GULP1: variants seen among roughly 807,000 people sequenced by gnomAD.
GULP1 encodes the protein PTB domain-containing engulfment adapter protein 1.
A neutral mutation model predicts 40.9 loss-of-function variants in GULP1; 19 were observed. The ratio of observed to expected loss-of-function variants is 0.46; its 90% CI spans 0.32 to 0.68. The LOEUF (loss-of-function observed/expected upper bound fraction) is 0.68, where lower values mean the gene tolerates loss of function less well. GULP1 is among the 30% of genes least tolerant of loss of function. GULP1 has a pLI of 0.03. For missense variants in GULP1, 312 were observed against 362.2 expected (o/e 0.86, Z 1.12); for synonymous variants, 119 against 117.6 (o/e 1.01, Z -0.08).
intron 7 of GULP1, among the ~76,000 whole-genome samples, chr2:188,561,786 C>T (rs1370824741): frequency 1.3e-5 from 2 of 152,122 alleles, no homozygotes; most frequent in Non-Finnish European, 1.5e-5. Flanking sequence ...GGGGAATGCA[C>T]ATCATTCTCA....
chr2:188,577,228 A>C (rs1700336843), intron 9 of GULP1, among the ~76,000 whole-genome samples: 1 of 152,134 alleles, frequency 6.6e-6, no homozygotes. Context: ...ATTTCTTTAC[A>C]TAATCAACTG....
chr2:188,488,992 C>T (rs1353592431), intron 4 of GULP1, among the ~76,000 whole-genome samples: 3 of 151,440 alleles, frequency 2.0e-5, no homozygotes, highest in Non-Finnish European at 2.9e-5. Flanking sequence ...ATAGTAAAGA[C>T]GGGTCTTAAT....
intron 7 of GULP1, among the ~76,000 whole-genome samples, chr2:188,548,513 A>G (rs1022637897): frequency 1.3e-5 from 2 of 152,110 alleles, no homozygotes; most frequent in African/African-American, 2.4e-5. Context: ...TGATGTATAG[A>G]TTTAACACAA....
chr2:188,592,778 G>C (rs1305282388), intron 11 of GULP1: 1 of 152,026 alleles, frequency 6.6e-6, no homozygotes, highest in East Asian at 1.9e-4. Context: ...CTAAATAAAA[G>C]TAATTTGGAG....
chr2:188,364,400 C>T (rs555414465), intron 1 of GULP1, among the ~76,000 whole-genome samples: 2 of 152,238 alleles, frequency 1.3e-5, no homozygotes, highest in Admixed American at 1.3e-4. Flanking sequence ...CTACCACGCT[C>T]ATGGTAGTAG....
intron 4 of GULP1, among the ~76,000 whole-genome samples, chr2:188,485,925 A>C (rs2153073349): frequency 6.6e-6 from 1 of 152,138 alleles, no homozygotes; most frequent in South Asian, 2.1e-4. Flanking sequence ...CTTTACATAA[A>C]GTGAACTGAT....
chr2:188,319,662 C>A (rs2039671585), intron 1 of GULP1, among the ~76,000 whole-genome samples: 2 of 152,150 alleles, frequency 1.3e-5, no homozygotes, highest in African/African-American at 2.4e-5. Flanking sequence ...AATAGCAACC[C>A]TTTTTCTTTT....
chr2:188,428,029 C>T (rs1260652486), intron 2 of GULP1, among the ~76,000 whole-genome samples: 2 of 152,180 alleles, frequency 1.3e-5, no homozygotes, highest in Non-Finnish European at 2.9e-5. Context: ...CATCAGTATG[C>T]CCTAGATGTG....
chr2:188,387,125 A>G (rs1412499528), intron 2 of GULP1, among the ~76,000 whole-genome samples: 2 of 152,078 alleles, frequency 1.3e-5, no homozygotes, highest in Non-Finnish European at 2.9e-5. Context: ...AATCCCAGTT[A>G]CTTGAGAGGC....
intron 4 of GULP1, among the ~76,000 whole-genome samples, chr2:188,515,780 G>T (rs903643824): frequency 6.6e-6 from 1 of 151,710 alleles, no homozygotes; most frequent in Non-Finnish European, 1.5e-5. Context: ...TTACCTGATC[G>T]CTACCCAGCA....
At chr2:188,317,684 G>A (rs976716851) in intron 1 of GULP1, among the ~76,000 whole-genome samples, 1 of 151,994 alleles carries the variant, frequency 6.6e-6, no homozygotes, top group Non-Finnish European at 1.5e-5. Context: ...TGGAAAGTTG[G>A]GGAGGACATA....
At chr2:188,320,740 T>C (rs886878141) in intron 1 of GULP1, among the ~76,000 whole-genome samples, 1 of 152,136 alleles carries the variant, frequency 6.6e-6, no homozygotes, top group Non-Finnish European at 1.5e-5. Flanking sequence ...TATGTGAATA[T>C]GGGCAATCTT....
At chr2:188,409,073 T>A (rs2053527166) in intron 2 of GULP1, among the ~76,000 whole-genome samples, 1 of 151,894 alleles carries the variant, frequency 6.6e-6, no homozygotes. Context: ...TACACCTTGA[T>A]GACTTAGTAA....
At chr2:188,503,700 C>G (rs1222904227) in intron 4 of GULP1, among the ~76,000 whole-genome samples, 1 of 151,878 alleles carries the variant, frequency 6.6e-6, no homozygotes, top group Non-Finnish European at 1.5e-5. Flanking sequence ...ATAGCAGTCT[C>G]CTTTTCTTGT....
intron 1 of GULP1, among the ~76,000 whole-genome samples, chr2:188,297,821 C>CA (rs969674585): frequency 1.3e-5 from 2 of 150,732 alleles, no homozygotes; most frequent in Admixed American, 6.6e-5. Flanking sequence ...TAATTTTAGC[C>CA]AAAAAAAATC....
At chr2:188,542,656 A>G (rs995400187) in intron 7 of GULP1, among the ~76,000 whole-genome samples, 2 of 152,120 alleles carry the variant, frequency 1.3e-5, no homozygotes, top group African/African-American at 4.8e-5. Context: ...ATATAAGACA[A>G]TATTTTGTGC....
At chr2:188,521,164 A>AT (rs1187545250) in intron 4 of GULP1, among the ~76,000 whole-genome samples, 1 of 152,150 alleles carries the variant, frequency 6.6e-6, no homozygotes, top group Non-Finnish European at 1.5e-5. Flanking sequence ...AAAATTACAT[A>AT]TATTTCATGA....
intron 7 of GULP1, among the ~76,000 whole-genome samples, chr2:188,562,068 A>T (rs531852735): frequency 6.6e-6 from 1 of 152,070 alleles, no homozygotes; most frequent in Non-Finnish European, 1.5e-5. Context: ...AGTTTCCCTA[A>T]TGCCTCAGCC....
At chr2:188,411,278 T>TA (rs1255678709) in intron 2 of GULP1, among the ~76,000 whole-genome samples, 2 of 142,118 alleles carry the variant, frequency 1.4e-5, no homozygotes, top group South Asian at 2.3e-4. Context: ...AGGGGTCCAG[T>TA]AAAAACCTGT....
Sources: allele counts gnomAD v4.1 joint callset (sites outside exome capture counted in the v4.1 genomes callset), GRCh38; gene constraint gnomAD v4.1.1; transcripts MANE v1.5; gene names NCBI Gene and HGNC (gene_info 2026-07-23, HGNC 2026-07-21).